The following FAM162A variants were observed in gnomAD, a reference collection of about 807,000 sequenced individuals.
The protein encoded by FAM162A is family with sequence similarity 162 member A.
FAM162A carries 23 observed loss-of-function variants against 21.8 expected under a neutral mutation model. The ratio of observed to expected loss-of-function variants is 1.05; its 90% CI spans 0.76 to 1.49. The LOEUF (loss-of-function observed/expected upper bound fraction) is 1.49, where lower values mean the gene tolerates loss of function less well. Ranked by LOEUF, FAM162A falls within the 40% of genes most tolerant of loss-of-function variation. FAM162A has a pLI of 0.00. For missense variants in FAM162A, 165 were observed against 186.4 expected, an observed-to-expected ratio of 0.89 and a Z score of 0.67; for synonymous variants, 53 against 61.3, an observed-to-expected ratio of 0.86 and a Z score of 0.64.
chr3:122,407,348 A>C lies in FAM162A; in HGVS notation c.331A>C (p.Thr111Pro), dbSNP rs1451248767. 2 of 1,614,112 alleles carry C rather than the reference A, an allele frequency of 1.2e-6. No homozygotes were observed. The highest frequency in any genetic ancestry group is 1.7e-5 in the Admixed American group (1 of 60,022). ...VKISYLMIAL[T>P]VVGCIFMVIE... ...GATCAGCTATCTAATGATTGCCCTGACGGTGGTAGGATGCATCTTCATGGT... is the reference window on the plus strand; with the variant it reads ...GATCAGCTATCTAATGATTGCCCTGCCGGTGGTAGGATGCATCTTCATGGT... The change falls in exon 4 of 5, where the codon ACG becomes CCG. Residue 111 changes from threonine to proline, a missense_variant. By Grantham distance (38) the Thr-to-Pro change is conservative. Coordinates refer to ENST00000477892, the MANE Select transcript of FAM162A (RefSeq NM_014367.4).
intron 3 of FAM162A, among the ~76,000 whole-genome samples, chr3:122,405,608 A>G (rs754518496): frequency 6.6e-6 from 1 of 152,162 alleles, no homozygotes; most frequent in Admixed American, 6.5e-5. Context: ...AGGCTTTGCT[A>G]TAGAACACCT....
intron 1 of FAM162A, among the ~76,000 whole-genome samples, chr3:122,388,752 A>G (rs2075585807): frequency 6.6e-6 from 1 of 152,154 alleles, no homozygotes; most frequent in South Asian, 2.1e-4. Context: ...ATGAGAATCT[A>G]AAAAAATGTA....
At chr3:122,395,653 C>A (rs1213564615) in intron 1 of FAM162A, among the ~76,000 whole-genome samples, 1 of 152,130 alleles carries the variant, frequency 6.6e-6, no homozygotes, top group Admixed American at 6.6e-5. Flanking sequence ...AACAAAATCC[C>A]AGCTGGGGTC....
In FAM162A at chr3:122,384,269, G is replaced by A; in HGVS notation, c.4G>A (p.Gly2Arg). The A allele has an allele frequency of 1.3e-6, 2 of 1,576,528 alleles. No individual in the cohort carries two copies. The highest frequency in any genetic ancestry group is 1.7e-6 in the Non-Finnish European group (2 of 1,161,566). The part of the protein sequence containing the change: M[G>R]SLSGLRLAAG... ...GTCGGCGGAGTAGCAAGTGGCCATG[G>A]GGAGCCTCAGCGGTCTGCGCCTGGC... is the stretch of plus-strand genomic sequence containing the variant. Residue 2 changes from glycine (G) to arginine (R), a missense_variant, in exon 1 of 5, where the codon GGG (glycine) becomes AGG (arginine). Transcript: ENST00000477892.
At chr3:122,388,358 G>A (rs370171026) in intron 1 of FAM162A, among the ~76,000 whole-genome samples, 5 of 152,226 alleles carry the variant, frequency 3.3e-5, no homozygotes, top group African/African-American at 1.2e-4. Context: ...TGGCAGAGAA[G>A]ATGGTGCATT....
At chr3:122,396,578 A>T (rs1159003219) in intron 1 of FAM162A, among the ~76,000 whole-genome samples, 1 of 152,218 alleles carries the variant, frequency 6.6e-6, no homozygotes, top group Non-Finnish European at 1.5e-5. Context: ...TGGTCTTGTA[A>T]TTCCTTAAAT....
At chr3:122,390,691 C>T (rs1174313190) in intron 1 of FAM162A, among the ~76,000 whole-genome samples, 4 of 152,200 alleles carry the variant, frequency 2.6e-5, no homozygotes, top group East Asian at 1.9e-4. Flanking sequence ...AGAAGTTTCA[C>T]CATTACCTGG....
At chr3:122,404,440 A>G in intron 3 of FAM162A, 77 bp downstream of exon 3, 1 of 664,818 alleles carries the variant, frequency 1.5e-6, no homozygotes, top group Non-Finnish European at 2.5e-6. Flanking sequence ...TCTGAGTTCC[A>G]ACTGTTTAAA....
chr3:122,387,390 T>G (rs535209206), intron 1 of FAM162A, among the ~76,000 whole-genome samples: 2 of 152,316 alleles, frequency 1.3e-5, no homozygotes, highest in African/African-American at 4.8e-5. Flanking sequence ...CCTTTTAGTT[T>G]AACCCACATC....
chr3:122,386,314 T>A (rs2075574256), intron 1 of FAM162A, among the ~76,000 whole-genome samples: 1 of 152,140 alleles, frequency 6.6e-6, no homozygotes, highest in Non-Finnish European at 1.5e-5. Flanking sequence ...TTTGGGAGGC[T>A]GATACTGGAG....
intron 1 of FAM162A, among the ~76,000 whole-genome samples, chr3:122,399,776 CCT>C (rs1473589212): frequency 6.6e-6 from 1 of 152,112 alleles, no homozygotes; most frequent in Non-Finnish European, 1.5e-5. Flanking sequence ...TTCTCTGAAA[CCT>C]CACCACAGCA....
At chr3:122,388,693 G>A (rs887192740) in intron 1 of FAM162A, among the ~76,000 whole-genome samples, 7 of 152,096 alleles carry the variant, frequency 4.6e-5, no homozygotes, top group African/African-American at 1.4e-4. Flanking sequence ...GAGATCAGTC[G>A]AATCAAATGG....
intron 1 of FAM162A, among the ~76,000 whole-genome samples, chr3:122,389,670 TG>T (rs1285474189): frequency 6.6e-6 from 1 of 152,198 alleles, no homozygotes; most frequent in Non-Finnish European, 1.5e-5. Context: ...ATTAATATCT[TG>T]GAAAGTATTT....
intron 4 of FAM162A, chr3:122,407,616 T>A (rs2075682994): frequency 2.0e-6 from 1 of 506,910 alleles, no homozygotes; most frequent in African/African-American, 1.9e-5. Context: ...AGGACTAGAT[T>A]CATTTTGTGT....
intron 1 of FAM162A, among the ~76,000 whole-genome samples, chr3:122,396,643 C>G (rs1352193608): frequency 6.6e-6 from 1 of 152,088 alleles, no homozygotes; most frequent in Non-Finnish European, 1.5e-5. Flanking sequence ...ATATACCCCA[C>G]AAATGAAAAT....
chr3:122,394,856 T>A (rs755393074), intron 1 of FAM162A, among the ~76,000 whole-genome samples: 2 of 152,116 alleles, frequency 1.3e-5, no homozygotes, highest in Non-Finnish European at 2.9e-5. Context: ...CCCATATATA[T>A]CCCTTAGGAA....
Position 122,386,136 on chromosome 3 carries a change from G to A in FAM162A, c.34+1837G>A, listed in dbSNP as rs760090355. ...TAATTGGATCTCATTAATCTGAAAT[G>A]GAAGAGTCATGAAATGCAGATTTAG... On this transcript the variant is annotated intron_variant, in intron 1 of 4. Transcript: ENST00000477892. Among the ~76,000 whole-genome samples the A allele has an allele frequency of 7.9e-5, 12 of 152,272 alleles. No individual in the cohort carries two copies. In the South Asian group the frequency reaches 1.0e-3, roughly 13 times the overall value.
At chr3:122,398,395 C>G (rs1235418816) in intron 1 of FAM162A, among the ~76,000 whole-genome samples, 2 of 152,022 alleles carry the variant, frequency 1.3e-5, no homozygotes, top group Non-Finnish European at 2.9e-5. Flanking sequence ...TGAAAAGAGA[C>G]AAAATTGGCA....
intron 1 of FAM162A, among the ~76,000 whole-genome samples, chr3:122,386,679 A>G (rs990266938): frequency 6.6e-6 from 1 of 152,134 alleles, no homozygotes; most frequent in African/African-American, 2.4e-5. Flanking sequence ...CTTATAAATG[A>G]TGGACCTTTA....
Sources: gnomAD v4.1 joint callset for allele counts (sites outside exome capture counted in the v4.1 genomes callset) on GRCh38, gnomAD v4.1.1 for gene constraint, MANE v1.5 for transcripts, NCBI Gene and HGNC (gene_info 2026-07-23, HGNC 2026-07-21) for gene names.